The following IDO2 variants were observed in gnomAD, a reference collection of about 807,000 sequenced individuals.
IDO2 encodes the protein indoleamine 2,3-dioxygenase 2, also known as indoleamine 2,3-dioxygenase-like 1 protein.
A neutral mutation model predicts 45.1 loss-of-function variants in IDO2; 46 were observed. The ratio of observed to expected loss-of-function variants is 1.02; its 90% confidence interval spans 0.80 to 1.30. The LOEUF is 1.30. Ranked by LOEUF, IDO2 falls within the 50% of genes most tolerant of loss-of-function variation. IDO2 has a pLI of 0.00. For missense variants in IDO2, 544 were observed against 491.8 expected (o/e 1.11, Z -1.00); for synonymous variants, 218 against 184.9 (o/e 1.18, Z -1.45).
At chr8:40,000,468 T>C (rs1021781500) in intron 8 of IDO2, among the ~76,000 whole-genome samples, 3 of 152,184 alleles carry the variant, frequency 2.0e-5, no homozygotes, top group Admixed American at 6.5e-5. Context: ...TTTTGTTTTG[T>C]AGGGTTTTGA....
At chr8:40,009,046 G>A (rs190746322) in intron 9 of IDO2, among the ~76,000 whole-genome samples, 75 of 151,508 alleles carry the variant, frequency 5.0e-4, no homozygotes, top group Non-Finnish European at 8.0e-4. Flanking sequence ...TGGAGGTCTC[G>A]CTTTGTCGCC....
intron 1 of IDO2, among the ~76,000 whole-genome samples, chr8:39,939,393 A>T (rs1440931593): frequency 2.6e-5 from 4 of 151,398 alleles, no homozygotes; most frequent in Non-Finnish European, 4.4e-5. Flanking sequence ...CTAAAACCAC[A>T]AAAATTAGCC....
At chr8:39,961,678 T>C (rs1351603429) in intron 2 of IDO2, among the ~76,000 whole-genome samples, 1 of 152,196 alleles carries the variant, frequency 6.6e-6, no homozygotes, top group Non-Finnish European at 1.5e-5. Context: ...TGTATCCAAC[T>C]TCTCAGCACA....
rs1563444264 is a variant in IDO2, at chr8:40,013,702, GC to G, written c.858del (p.Ser286ArgfsTer11). On this transcript the variant is annotated frameshift_variant, in exon 10 of 11. Transcript: ENST00000502986. LOFTEE classifies it high-confidence loss of function. ...GATGAGTTCTTAGGCATTCGTCATA[GC>G]AAGGAAAGTGGTAAGTCAGACATTT... The G allele has an allele frequency of 1.2e-6, 2 of 1,606,282 alleles. No individual in the cohort carries two copies. The highest frequency in any genetic ancestry group is 1.3e-5 in the African/African-American group (1 of 74,802).
In IDO2 at chr8:40,005,383, G is replaced by T; in HGVS notation, c.719+5G>T. ...CATCCGGATCTTTCTCTCTGGGTAAGTATAGTTCAGTTGTTTTCCTGTGTG... is the reference window on the plus strand; with the variant it reads ...CATCCGGATCTTTCTCTCTGGGTAATTATAGTTCAGTTGTTTTCCTGTGTG... On this transcript the variant is annotated splice_donor_5th_base_variant and intron_variant, in intron 9 of 10. Transcript: ENST00000502986. 6.5e-7 allele frequency: 1 copy of T among 1,545,736 alleles called. No homozygotes were observed. The highest frequency in any genetic ancestry group is 8.8e-7 in the Non-Finnish European group (1 of 1,133,748).
chr8:39,945,276 T>C (rs925067485), intron 1 of IDO2, among the ~76,000 whole-genome samples: 2 of 152,200 alleles, frequency 1.3e-5, no homozygotes, highest in African/African-American at 2.4e-5. Flanking sequence ...CAATAGGCTA[T>C]AGGAGGAGTT....
intron 8 of IDO2, among the ~76,000 whole-genome samples, chr8:40,000,507 A>G (rs10104711): frequency 0.79 from 120,349 of 152,142 alleles, 47,760 homozygotes; most frequent in East Asian, 0.92. Context: ...TAAAATGTAT[A>G]AATTTCTTCC....
rs572780874 is a variant in IDO2 at position 39,994,115 on chromosome 8, G to A, written c.667+4277G>A. ...ATTTTAATAAAAATATACATATTTA[G>A]CAAAATAAAAGGACAAATGGTATTT... is the stretch of plus-strand genomic sequence containing the variant. On this transcript the variant is annotated intron_variant, in intron 8 of 10. Coordinates refer to ENST00000502986, the Ensembl canonical transcript of IDO2. Among the ~76,000 whole-genome samples the A allele has an allele frequency of 3.9e-5, 6 of 152,168 alleles. No homozygotes were observed. In the East Asian group the frequency reaches 7.7e-4, roughly 20 times the overall value.
At chr8:40,013,695 C>G (rs765222349) in exon 10 of IDO2, 3 of 1,607,366 alleles carry the variant, frequency 1.9e-6, no homozygotes, top group South Asian at 2.2e-5. Context: ...CTTAGGCATT[C>G]GTCATAGCAA....
intron 9 of IDO2, among the ~76,000 whole-genome samples, chr8:40,008,165 G>C (rs1441750328): frequency 6.6e-6 from 1 of 151,408 alleles, no homozygotes; most frequent in East Asian, 1.9e-4. Flanking sequence ...TCCTGCCTCA[G>C]CCTCCCGAGT....
intron 1 of IDO2, among the ~76,000 whole-genome samples, chr8:39,940,741 T>TA (rs1807629924): frequency 1.3e-5 from 2 of 150,906 alleles, no homozygotes; most frequent in Middle Eastern, 3.4e-3. Context: ...CTCCTCCCCC[T>TA]ATTCATCCCA....
At chr8:39,956,925 C>T (rs1310217139) in intron 2 of IDO2, among the ~76,000 whole-genome samples, 1 of 151,084 alleles carries the variant, frequency 6.6e-6, no homozygotes, top group South Asian at 2.1e-4. Flanking sequence ...CACCTGTAGT[C>T]CCAGCTATTT....
intron 8 of IDO2, among the ~76,000 whole-genome samples, chr8:40,001,931 A>G (rs1468232187): frequency 1.3e-5 from 2 of 152,020 alleles, no homozygotes; most frequent in Non-Finnish European, 2.9e-5. Context: ...GATAATAAGC[A>G]TGTGCCACCA....
intron 1 of IDO2, among the ~76,000 whole-genome samples, chr8:39,936,629 G>T (rs1289524834): frequency 1.3e-5 from 2 of 152,180 alleles, no homozygotes; most frequent in Non-Finnish European, 2.9e-5. Flanking sequence ...CTTAACGGCA[G>T]GATTTACGGC....
intron 3 of IDO2, among the ~76,000 whole-genome samples, chr8:39,976,657 C>A (rs1374683278): frequency 6.6e-6 from 1 of 152,142 alleles, no homozygotes; most frequent in Non-Finnish European, 1.5e-5. Flanking sequence ...GAAATGTTCA[C>A]AATGGTTCCG....
At chr8:39,992,396 G>C (rs1224074777) in intron 8 of IDO2, among the ~76,000 whole-genome samples, 2 of 152,154 alleles carry the variant, frequency 1.3e-5, no homozygotes, top group Non-Finnish European at 2.9e-5. Context: ...GCCCTCAGAT[G>C]GTTCTAGGCT....
At chr8:39,982,916 A>C in intron 5 of IDO2, 146 bp downstream of exon 5, 2 of 562,736 alleles carry the variant, frequency 3.6e-6, no homozygotes, top group Non-Finnish European at 3.1e-6. Flanking sequence ...TTCAAATATC[A>C]CAGGCCCCAG....
chr8:40,000,192 T>C (rs932603723), intron 8 of IDO2, among the ~76,000 whole-genome samples: 2 of 152,090 alleles, frequency 1.3e-5, no homozygotes, highest in Non-Finnish European at 2.9e-5. Context: ...GGTGGTCGGA[T>C]CATGAGGTCA....
chr8:39,987,829 C>G, intron 6 of IDO2, 42 bp from the exon 7 acceptor site: 1 of 1,200,268 alleles, frequency 8.3e-7, no homozygotes, highest in Non-Finnish European at 1.2e-6. Flanking sequence ...ACTCACGGTA[C>G]AGTCTCCACA....
Sources: gnomAD v4.1 joint callset for allele counts (sites outside exome capture counted in the v4.1 genomes callset) on GRCh38, gnomAD v4.1.1 for gene constraint, MANE v1.5 for transcripts, NCBI Gene and HGNC (gene_info 2026-07-23, HGNC 2026-07-21) for gene names.